The following PGAP1 variants were observed in gnomAD, a reference collection of about 807,000 sequenced individuals.
PGAP1 encodes GPI inositol-deacylase.
A neutral mutation model predicts 127.0 loss-of-function variants in PGAP1; 76 were observed. The observed-to-expected ratio is 0.60, with a 90% CI of 0.50 to 0.72. The LOEUF (loss-of-function observed/expected upper bound fraction) is 0.72. Among genes scored for constraint, PGAP1 ranks in the 30% least tolerant of loss-of-function variants. The probability of loss-of-function intolerance (pLI) is 0.00; values close to 1 mark genes in which losing one functional copy is unlikely to be tolerated. For missense variants in PGAP1, 982 were observed against 1,071.3 expected (o/e 0.92, Z 1.16); for synonymous variants, 362 against 366.5 (o/e 0.99, Z 0.14).
intron 4 of PGAP1, among the ~76,000 whole-genome samples, chr2:196,905,739 T>C (rs1044999358): frequency 2.5e-4 from 37 of 147,126 alleles, no homozygotes; most frequent in Admixed American, 8.8e-4. Context: ...GGCCAGTGTG[T>C]GCGCGCACCG....
intron 7 of PGAP1, among the ~76,000 whole-genome samples, chr2:196,896,087 C>A (rs1207675861): frequency 1.3e-5 from 2 of 152,062 alleles, no homozygotes; most frequent in African/African-American, 4.8e-5. Context: ...TTGCTGAAAT[C>A]CTGCTACCAT....
chr2:196,834,281 T>C lies in PGAP1; in HGVS notation c.*6953A>G, dbSNP rs1700176219. On this transcript the variant is annotated 3_prime_UTR_variant, in exon 27 of 27. Transcript: ENST00000354764. ...AATTCAAAATGAGAACTCTGAAAAT[T>C]AAGGGAGGCCTCTACAGCAATAGTT... 1 of 152,204 alleles carries C rather than the reference T, an allele frequency of 6.6e-6. No homozygotes were observed. Among genetic ancestry groups the C allele is most frequent in the Non-Finnish European group, 1.5e-5 (1 of 67,920 alleles). 9.4% of individuals were successfully genotyped at this position (152,204 alleles called of 1,614,324 possible). A position where few individuals can be genotyped will look rare whatever the true frequency, so the allele number is the denominator to read the frequency against.
At chr2:196,885,153 T>C (rs773013745) in intron 12 of PGAP1, among the ~76,000 whole-genome samples, 1 of 152,220 alleles carries the variant, frequency 6.6e-6, no homozygotes, top group Non-Finnish European at 1.5e-5. Context: ...ATCCATCCAG[T>C]TCTTTTTGTA....
chr2:196,914,801 CAATTCTT>C (rs1702947772), intron 3 of PGAP1, among the ~76,000 whole-genome samples: 1 of 150,252 alleles, frequency 6.7e-6, no homozygotes, highest in African/African-American at 2.4e-5. Context: ...ATCCAATAGT[CAATTCTT>C]AATTCTTTTT....
At chr2:196,860,489 A>G (rs1701029075) in intron 20 of PGAP1, among the ~76,000 whole-genome samples, 1 of 152,202 alleles carries the variant, frequency 6.6e-6, no homozygotes, top group South Asian at 2.1e-4. Flanking sequence ...GGCCGAGATC[A>G]TGCCATTGCA....
In PGAP1 at chr2:196,848,005, T is replaced by C. The variant is rs766379345; in HGVS notation, c.1894A>G (p.Lys632Glu). ...TCAACTTTGTATGGTTTGGCTTCTT[T>C]ATCCAACATGGTAGCATATTCTAAG... The part of the protein sequence containing the change: ...CCLEYATMLD[K>E]EAKPYKVDPF... Residue 632 changes from lysine (K) to glutamate (E), a missense_variant, in exon 21 of 27, where the codon AAA (lysine) becomes GAA (glutamate). By Grantham distance (56) the Lys-to-Glu change is moderately conservative (BLOSUM62 1). Coordinates refer to ENST00000354764, the MANE Select transcript of PGAP1 (RefSeq NM_024989.4). The C allele has an allele frequency of 6.2e-7, 1 of 1,603,282 alleles. No individual in the cohort carries two copies. Among genetic ancestry groups the C allele is most frequent in the South Asian group, 1.1e-5 (1 of 88,344 alleles).
chr2:196,915,769 G>A (rs926136981), intron 3 of PGAP1, among the ~76,000 whole-genome samples: 1 of 152,108 alleles, frequency 6.6e-6, no homozygotes, highest in African/African-American at 2.4e-5. Context: ...TACTTTCCCT[G>A]TGCAGCATGG....
intron 4 of PGAP1, among the ~76,000 whole-genome samples, chr2:196,904,805 G>T (rs916564733): frequency 6.6e-6 from 1 of 152,138 alleles, no homozygotes; most frequent in African/African-American, 2.4e-5. Context: ...TCCACGTGGG[G>T]AGGCTACTTA....
At position 196,923,796 on chromosome 2, in the gene PGAP1, G is replaced by A. The variant is rs950125621; in HGVS notation, c.147+2674C>T. 2.0e-5 allele frequency among the ~76,000 whole-genome samples: 3 copies of A among 151,916 alleles called. No homozygotes were observed. The East Asian group carries it at 5.8e-4, about 29-fold the overall frequency. ...CAGCCTCAGCCTCCTGAGTACCTGC[G>A]ACTATAGACGCACGCCAACATTTCC... On this transcript the variant is annotated intron_variant, in intron 1 of 26. Transcript: ENST00000354764.
At chr2:196,896,866 C>T (rs908522086) in intron 7 of PGAP1, among the ~76,000 whole-genome samples, 1 of 143,816 alleles carries the variant, frequency 7.0e-6, no homozygotes, top group Non-Finnish European at 1.5e-5. Context: ...GGATATATGT[C>T]AAACTTTAAG....
At chr2:196,863,447 T>C (rs1013258521) in intron 20 of PGAP1, among the ~76,000 whole-genome samples, 4 of 152,200 alleles carry the variant, frequency 2.6e-5, no homozygotes, top group South Asian at 4.1e-4. Context: ...AAGTACATTA[T>C]GCTAAAGTGA....
Position 196,880,147 on chromosome 2 carries a change from T to C in PGAP1, c.1279A>G (p.Thr427Ala), listed in dbSNP as rs750366240. 2 of 1,532,944 alleles carry C rather than the reference T, an allele frequency of 1.3e-6. No individual in the cohort carries two copies. The highest frequency in any genetic ancestry group is 1.8e-6 in the Non-Finnish European group (2 of 1,139,150). 95.0% of individuals were successfully genotyped at this position (1,532,944 alleles called of 1,614,324 possible). ...AELLPTIKYL[T>A]LRLQDYPSLS... ...GATGGATAGTCTTGAAGTCTTAATG[T>C]CAGATACTAAAATAAAAAAAAAAGA... The change falls in exon 13 of 27, where the codon ACA (threonine) becomes GCA (alanine). Residue 427 changes from threonine (T) to alanine (A), a missense_variant. By Grantham distance (58) the Thr-to-Ala change is moderately conservative. Coordinates refer to ENST00000354764, the MANE Select transcript of PGAP1 (RefSeq NM_024989.4).
intron 1 of PGAP1, among the ~76,000 whole-genome samples, chr2:196,921,695 T>C (rs1385364520): frequency 6.6e-6 from 1 of 152,112 alleles, no homozygotes; most frequent in East Asian, 1.9e-4. Context: ...AAAAAATATT[T>C]TATATACTTC....
intron 10 of PGAP1, among the ~76,000 whole-genome samples, chr2:196,887,352 C>A (rs1020761898): frequency 1.3e-5 from 2 of 152,056 alleles, no homozygotes; most frequent in Non-Finnish European, 2.9e-5. Context: ...CCACTGCACT[C>A]CAGCCTGGGC....
At chr2:196,846,821 T>C (rs2125778452) in intron 22 of PGAP1, among the ~76,000 whole-genome samples, 182 bp downstream of exon 22, 1 of 152,304 alleles carries the variant, frequency 6.6e-6, no homozygotes, top group Non-Finnish European at 1.5e-5. Context: ...AAATGTAACA[T>C]TTAACTCTTA....
chr2:196,886,323 G>A (rs1274683053), intron 10 of PGAP1, among the ~76,000 whole-genome samples: 1 of 151,734 alleles, frequency 6.6e-6, no homozygotes, highest in African/African-American at 2.4e-5. Flanking sequence ...ACCATGCCCG[G>A]CTAATTTTTG....
At chr2:196,862,428 G>T (rs62185641) in intron 20 of PGAP1, among the ~76,000 whole-genome samples, 1 of 151,892 alleles carries the variant, frequency 6.6e-6, no homozygotes, top group Admixed American at 6.6e-5. Context: ...TTTTAATTTC[G>T]CCCCGGTCCT....
In PGAP1 at chr2:196,875,745, C is replaced by G; in HGVS notation, c.1426+1G>C. The G allele has an allele frequency of 6.6e-7, 1 of 1,522,790 alleles. No homozygotes were observed. Among genetic ancestry groups the G allele is most frequent in the Non-Finnish European group, 9.1e-7 (1 of 1,102,914 alleles). 94.3% of individuals were successfully genotyped at this position (1,522,790 alleles called of 1,614,324 possible). On this transcript the variant is annotated splice_donor_variant, in intron 14 of 26. Transcript: ENST00000354764. LOFTEE classifies it high-confidence loss of function. ...ATGCTTTCCAAAAACAAAGTACTTA[C>G]CAAAGGAAAAAAGATGAGTTACAGG...
intron 20 of PGAP1, 77 bp from the exon 21 acceptor site, chr2:196,848,114 C>A: frequency 1.1e-6 from 1 of 893,458 alleles, no homozygotes; most frequent in Non-Finnish European, 1.7e-6. Flanking sequence ...TTCTCTAAAA[C>A]AGCAACATAT....
Sources: gnomAD v4.1 joint callset for allele counts (sites outside exome capture counted in the v4.1 genomes callset) on GRCh38, gnomAD v4.1.1 for gene constraint, MANE v1.5 for transcripts, NCBI Gene and HGNC (gene_info 2026-07-23, HGNC 2026-07-21) for gene names.